WDR17: variants seen among roughly 807,000 people sequenced by gnomAD.
WDR17 encodes the protein WD repeat domain 17.
A neutral mutation model predicts 161.7 loss-of-function variants in WDR17; 143 were observed. The observed-to-expected ratio is 0.88, with a 90% CI of 0.77 to 1.02. The LOEUF (loss-of-function observed/expected upper bound fraction) is 1.02. WDR17 is among the 50% of genes least tolerant of loss of function. WDR17 has a pLI of 0.00. For missense variants in WDR17, 1,469 were observed against 1,520.9 expected (o/e 0.97, Z 0.57); for synonymous variants, 517 against 515.6 (o/e 1.00, Z -0.04).
intron 1 of WDR17, among the ~76,000 whole-genome samples, chr4:176,107,098 C>T (rs934510655): frequency 1.3e-5 from 2 of 152,042 alleles, no homozygotes; most frequent in South Asian, 2.1e-4. Context: ...TACAAAGAAA[C>T]GTGATTTACC....
At chr4:176,113,399 T>G (rs1740092714) in intron 2 of WDR17, among the ~76,000 whole-genome samples, 1 of 152,070 alleles carries the variant, frequency 6.6e-6, no homozygotes, top group Admixed American at 6.6e-5. Context: ...GATGAATATT[T>G]TAAAATATTG....
intron 1 of WDR17, among the ~76,000 whole-genome samples, chr4:176,098,973 A>G (rs916562037): frequency 6.6e-6 from 1 of 152,122 alleles, no homozygotes; most frequent in African/African-American, 2.4e-5. Flanking sequence ...TTATGTCAAC[A>G]TAGAAATGCT....
At chr4:176,145,867 AGTTT>A in intron 11 of WDR17, 124 bp from the exon 12 acceptor site, 1 of 737,720 alleles carries the variant, frequency 1.4e-6, no homozygotes, top group Non-Finnish European at 2.1e-6. Context: ...TACATATGTA[AGTTT>A]TTAGTCTAAC....
chr4:176,126,850 A>G (rs1579120622), intron 5 of WDR17, among the ~76,000 whole-genome samples: 1 of 152,154 alleles, frequency 6.6e-6, no homozygotes, highest in Non-Finnish European at 1.5e-5. Context: ...TGATGGTTTT[A>G]TAAGTGTCTG....
chr4:176,177,786 C>T, intron 28 of WDR17, 132 bp downstream of exon 28: 1 of 793,010 alleles, frequency 1.3e-6, no homozygotes. Flanking sequence ...GGAAATATTA[C>T]CTCTAGTGCT....
intron 1 of WDR17, 84 bp from the exon 2 acceptor site, chr4:176,111,491 G>A: frequency 1.5e-5 from 22 of 1,469,288 alleles, no homozygotes; most frequent in Non-Finnish European, 2.0e-5. Flanking sequence ...ACACAGGTAA[G>A]GGTTGGGGAA....
intron 28 of WDR17, among the ~76,000 whole-genome samples, chr4:176,178,747 A>T (rs1751818680): frequency 6.6e-6 from 1 of 152,220 alleles, no homozygotes; most frequent in Non-Finnish European, 1.5e-5. Flanking sequence ...TGCTAACAAC[A>T]AGTTGTATCA....
At chr4:176,123,125 T>A (rs1031624259) in intron 4 of WDR17, among the ~76,000 whole-genome samples, 5 of 152,192 alleles carry the variant, frequency 3.3e-5, no homozygotes, top group African/African-American at 1.2e-4. Flanking sequence ...TACAATCATG[T>A]TTAAATTGAA....
intron 1 of WDR17, among the ~76,000 whole-genome samples, chr4:176,088,104 A>G (rs2126616721): frequency 6.6e-6 from 1 of 152,286 alleles, no homozygotes; most frequent in Admixed American, 6.5e-5. Flanking sequence ...TTGGCTTCCC[A>G]AAGTGCTGCG....
chr4:176,182,792 A>G lies in WDR17; in HGVS notation c.*3213A>G, dbSNP rs1352718251. 1 of 152,144 alleles carries G rather than the reference A, an allele frequency of 6.6e-6. No individual in the cohort carries two copies. Among genetic ancestry groups the G allele is most frequent in the African/African-American group, 2.4e-5 (1 of 41,438 alleles). The allele number at this position is 152,144 out of a possible 1,614,324, so 9.4% of individuals were successfully genotyped here. On this transcript the variant is annotated 3_prime_UTR_variant, in exon 29 of 29. Transcript: ENST00000508596. This position sits in a 1 kb window ranked among gnomAD's most constrained non-coding sequence, Gnocchi z 4.2. ...CGTATTTCAGGTCCTTGAAATTTTA[A>G]TAAATATTACAGTTAAATCCTGATA... is the stretch of plus-strand genomic sequence containing the variant.
At chr4:176,122,324 G>C (rs2126727945) in intron 4 of WDR17, among the ~76,000 whole-genome samples, 1 of 152,300 alleles carries the variant, frequency 6.6e-6, no homozygotes, top group South Asian at 2.1e-4. Flanking sequence ...CATCTGCGAA[G>C]GCCCTAATTC....
chr4:176,141,811 T>C (rs1044527247), intron 10 of WDR17, among the ~76,000 whole-genome samples, 172 bp from the exon 11 acceptor site: 2 of 152,218 alleles, frequency 1.3e-5, no homozygotes, highest in African/African-American at 4.8e-5. Context: ...GAGTTGCAAA[T>C]ATACTTATAA....
intron 17 of WDR17, among the ~76,000 whole-genome samples, chr4:176,153,451 C>T (rs755151441): frequency 3.9e-5 from 6 of 152,080 alleles, no homozygotes; most frequent in Non-Finnish European, 7.4e-5. Flanking sequence ...CAATGGAACA[C>T]GGGAGAATGG....
At chr4:176,173,450 C>T (rs1225892334) in intron 25 of WDR17, 81 bp downstream of exon 25, 13 of 859,554 alleles carry the variant, frequency 1.5e-5, no homozygotes, top group East Asian at 5.4e-5. Context: ...GTATTCAGAT[C>T]GGGAAATAGG....
rs1195152673 is a variant in WDR17 at position 176,150,477 on chromosome 4, G to A, written c.2188G>A (p.Gly730Ser). 6.2e-7 allele frequency: 1 copy of A among 1,607,284 alleles called. No individual in the cohort carries two copies. Among genetic ancestry groups the A allele is most frequent in the Admixed American group, 1.7e-5 (1 of 58,612 alleles). The change falls in exon 16 of 29, where the codon GGC becomes AGC. Residue 730 changes from glycine (G) to serine (S), a missense_variant. Coordinates refer to ENST00000508596, the MANE Select transcript of WDR17 (RefSeq NM_181265.4). ...TTTGTCAACTCTTTAGCCTCCAGGT[G>A]GCAGTGACAATTTATGGAACTTGGT... is the stretch of plus-strand genomic sequence containing the variant. ...WFSECLSPPGGSDNLWNLVAV... is the reference protein window; with the variant it reads ...WFSECLSPPGSSDNLWNLVAV...
intron 9 of WDR17, among the ~76,000 whole-genome samples, chr4:176,138,246 CTTTTA>C (rs992382760): frequency 1.3e-5 from 2 of 151,522 alleles, no homozygotes; most frequent in African/African-American, 4.8e-5. Context: ...CTTGAAATTT[CTTTTA>C]TTTTAGATGA....
At chr4:176,119,843 G>C in intron 3 of WDR17, 24 bp from the exon 4 acceptor site, 1 of 1,585,002 alleles carries the variant, frequency 6.3e-7, no homozygotes, top group Middle Eastern at 1.7e-4. Flanking sequence ...TCTTTATTAT[G>C]TATCTGTATT....
rs1210199057 is a variant in WDR17, at chr4:176,154,375, G to C, written c.2461-1704G>C. ...GGGTTCCTGTAGTCCCAGCTACTCA[G>C]GAGGCTGAGGCAGGAGAATCACTTG... On this transcript the variant is annotated intron_variant, in intron 17 of 28. Transcript: ENST00000508596. Among the ~76,000 whole-genome samples the C allele has an allele frequency of 2.0e-5, 3 of 152,242 alleles. No individual in the cohort carries two copies. In the East Asian group the frequency reaches 5.8e-4, roughly 29 times the overall value.
intron 3 of WDR17, among the ~76,000 whole-genome samples, chr4:176,118,067 T>A (rs1391919065): frequency 6.6e-6 from 1 of 152,154 alleles, no homozygotes; most frequent in Non-Finnish European, 1.5e-5. Context: ...AAATGCATAT[T>A]AGTTTTTCCA....
Sources: allele counts gnomAD v4.1 joint callset (sites outside exome capture counted in the v4.1 genomes callset), GRCh38; gene constraint gnomAD v4.1.1; non-coding constraint Gnocchi (gnomAD v3.1); transcripts MANE v1.5; gene names NCBI Gene and HGNC (gene_info 2026-07-23, HGNC 2026-07-21).